The following PLAA variants were observed in gnomAD, a reference collection of about 807,000 sequenced individuals.
PLAA encodes the protein phospholipase A2 activating protein, also known as phospholipase A-2-activating protein.
Under a neutral mutation model 84.1 loss-of-function variants are expected in PLAA, and 48 were observed. That is an observed-to-expected ratio of 0.57 (90% CI 0.45 to 0.73). The LOEUF (loss-of-function observed/expected upper bound fraction) is 0.73. PLAA is among the 30% of genes least tolerant of loss of function. The pLI, the probability that PLAA is intolerant of heterozygous loss-of-function variation, is 0.00. For missense variants in PLAA, 903 were observed against 954.7 expected (o/e 0.95, Z 0.71); for synonymous variants, 392 against 336.6 (o/e 1.16, Z -1.80).
At chr9:26,912,774 T>C (rs570895321) in intron 11 of PLAA, among the ~76,000 whole-genome samples, 1 of 152,228 alleles carries the variant, frequency 6.6e-6, no homozygotes, top group Non-Finnish European at 1.5e-5. Context: ...ACACATCAAA[T>C]AAATTGTTCA....
intron 1 of PLAA, among the ~76,000 whole-genome samples, chr9:26,939,966 A>G (rs1825479886): frequency 6.6e-6 from 1 of 152,182 alleles, no homozygotes; most frequent in Admixed American, 6.5e-5. Flanking sequence ...CAATCTCAAT[A>G]ATGGATAGAA....
Position 26,904,948 on chromosome 9 carries a change from A to T in PLAA, c.*563T>A, listed in dbSNP as rs938456956. The T allele has an allele frequency of 8.5e-5, 13 of 152,124 alleles. No individual in the cohort carries two copies. The highest frequency in any genetic ancestry group is 1.5e-4 in the Non-Finnish European group (10 of 67,984). The allele number at this position is 152,124 out of a possible 1,614,324, so 9.4% of individuals were successfully genotyped here. On this transcript the variant is annotated 3_prime_UTR_variant, in exon 14 of 14. Coordinates refer to ENST00000397292, the MANE Select transcript of PLAA (RefSeq NM_001031689.3). ...CTTTTTCTTCATCTAAAAATAGGCC[A>T]TTAAACAAATATACTTTAGGATTTA... is the stretch of plus-strand genomic sequence containing the variant.
chr9:26,927,486 T>A (rs1474790844), intron 4 of PLAA, among the ~76,000 whole-genome samples: 2 of 152,128 alleles, frequency 1.3e-5, no homozygotes, highest in African/African-American at 4.8e-5. Flanking sequence ...TACCAACTTT[T>A]AAGGAAAAAA....
rs1201391252 is a variant in PLAA, at chr9:26,910,454, G to A, written c.1556-15C>T. On this transcript the variant is annotated splice_polypyrimidine_tract_variant and intron_variant, in intron 11 of 13. Coordinates refer to ENST00000397292, the MANE Select transcript of PLAA (RefSeq NM_001031689.3). The stretch of plus-strand genomic sequence containing the variant: ...GGCACTATTCCCTATTTAAAGAATA[G>A]AAGATGATGATAATCACAAGGAGTG... The A allele has an allele frequency of 1.4e-5, 22 of 1,568,516 alleles. No homozygotes were observed. The highest frequency in any genetic ancestry group is 1.8e-5 in the Non-Finnish European group (20 of 1,139,614).
intron 6 of PLAA, among the ~76,000 whole-genome samples, chr9:26,925,568 A>G (rs958692833): frequency 6.6e-6 from 1 of 152,226 alleles, no homozygotes; most frequent in South Asian, 2.1e-4. Flanking sequence ...TTTGTAGTCA[A>G]TATCTTGACT....
chr9:26,925,569 T>C (rs1292976133), intron 6 of PLAA, among the ~76,000 whole-genome samples: 1 of 152,272 alleles, frequency 6.6e-6, no homozygotes, highest in Non-Finnish European at 1.5e-5. Context: ...TTGTAGTCAA[T>C]ATCTTGACTG....
rs913615014 is a variant in PLAA, at chr9:26,931,432, G to A, written c.344-3024C>T. 2.0e-5 allele frequency among the ~76,000 whole-genome samples: 3 copies of A among 152,216 alleles called. No homozygotes were observed. The South Asian group carries it at 6.2e-4, about 31-fold the overall frequency. On this transcript the variant is annotated intron_variant, in intron 2 of 13. Coordinates refer to ENST00000397292, the MANE Select transcript of PLAA (RefSeq NM_001031689.3). ...AAAAATTACCATTATGTGAAAGGCT[G>A]ATGGGAACTTTATAATGAAAGAAAG...
intron 2 of PLAA, among the ~76,000 whole-genome samples, chr9:26,933,552 G>T (rs984679300): frequency 2.0e-5 from 3 of 151,940 alleles, no homozygotes; most frequent in Non-Finnish European, 4.4e-5. Context: ...AATATGGAAG[G>T]CCGAGGGGGG....
rs199939902 is a variant in PLAA, at chr9:26,933,788, C to CAAAA, written c.343+1221_343+1224dup. 8.8e-3 allele frequency among the ~76,000 whole-genome samples: 784 copies of CAAAA among 89,186 alleles called. 10 individuals carry two copies. The highest frequency in any genetic ancestry group is 0.015 in the Non-Finnish European group (656 of 42,368). The allele number at this position is 89,186 out of a possible 152,430, so 58.5% of individuals were successfully genotyped here. Reference sequence around the variant, plus strand: ...TGGGCGACAGAGCGAGACTCTGCCTCAAAAAAAAAAAAAAAAAAAAAAAAA... The same window carrying CAAAA: ...TGGGCGACAGAGCGAGACTCTGCCTCAAAAAAAAAAAAAAAAAAAAAAAAAAAAA... On this transcript the variant is annotated intron_variant, in intron 2 of 13. Coordinates refer to ENST00000397292, the MANE Select transcript of PLAA (RefSeq NM_001031689.3).
At chr9:26,936,450 G>A (rs922102959) in intron 1 of PLAA, among the ~76,000 whole-genome samples, 1 of 152,210 alleles carries the variant, frequency 6.6e-6, no homozygotes, top group African/African-American at 2.4e-5. Context: ...CCTAGACAAC[G>A]ATGGCACTGG....
intron 2 of PLAA, among the ~76,000 whole-genome samples, chr9:26,931,291 A>C (rs1349289191): frequency 6.6e-6 from 1 of 152,228 alleles, no homozygotes; most frequent in East Asian, 1.9e-4. Flanking sequence ...ATGTGGAAAG[A>C]TCTATACAGA....
chr9:26,938,526 T>C lies in PLAA; in HGVS notation c.150-3320A>G, dbSNP rs117931687. On this transcript the variant is annotated intron_variant, in intron 1 of 13. Coordinates refer to ENST00000397292, the MANE Select transcript of PLAA (RefSeq NM_001031689.3). ...ATGACTGTACCACTGTATGCCCGCC[T>C]GGGCCAAAAGAGTAAGACACCATTT... Among the ~76,000 whole-genome samples the C allele has an allele frequency of 6.5e-4, 91 of 140,882 alleles. 2 individuals are homozygous for C. In the East Asian group the frequency reaches 0.017, roughly 26 times the overall value. The allele number at this position is 140,882 out of a possible 152,430, so 92.4% of individuals were successfully genotyped here.
intron 11 of PLAA, among the ~76,000 whole-genome samples, chr9:26,912,501 G>A (rs756301441): frequency 3.3e-5 from 5 of 152,102 alleles, no homozygotes; most frequent in Non-Finnish European, 7.4e-5. Flanking sequence ...GACCAATTTG[G>A]AAGTTATTTC....
intron 11 of PLAA, among the ~76,000 whole-genome samples, chr9:26,912,353 G>A (rs1824426061): frequency 6.6e-6 from 1 of 152,186 alleles, no homozygotes; most frequent in Admixed American, 6.5e-5. Context: ...CTGGACAGAA[G>A]AAAGGCAATG....
At chr9:26,944,036 G>T (rs554529869) in intron 1 of PLAA, among the ~76,000 whole-genome samples, 30 of 152,310 alleles carry the variant, frequency 2.0e-4, no homozygotes, top group African/African-American at 7.0e-4. Flanking sequence ...AACCTTCAAT[G>T]CAACCATGTT....
At chr9:26,928,490 T>C in intron 2 of PLAA, 82 bp from the exon 3 acceptor site, 1 of 958,416 alleles carries the variant, frequency 1.0e-6, no homozygotes, top group Non-Finnish European at 1.7e-6. Context: ...ATTCCAATTT[T>C]AAAAACACTC....
intron 7 of PLAA, among the ~76,000 whole-genome samples, chr9:26,921,634 T>C (rs193179695): frequency 6.6e-6 from 1 of 152,346 alleles, no homozygotes; most frequent in East Asian, 1.9e-4. Context: ...CAGTGTACAA[T>C]CTGAAACCAC....
In PLAA at chr9:26,920,326, C is replaced by T. The variant is rs751081163; in HGVS notation, c.1098G>A (p.Gln366=). The T allele has an allele frequency of 3.7e-6, 6 of 1,613,426 alleles. No individual in the cohort carries two copies. In the African/African-American group the frequency reaches 4.0e-5, roughly 11 times the overall value. ...IRDGEKVEAY[Q]WSVSEGRWIK... is the part of the protein sequence containing the mutation. ...TCCACCTCCCTTCACTAACACTCCA[C>T]TGATAGGCTTCGACTTTCTCCCCAT... Residue 366 remains glutamine (Q), a synonymous_variant, in exon 8 of 14, where the codon CAG becomes CAA. Transcript: ENST00000397292.
intron 1 of PLAA, among the ~76,000 whole-genome samples, chr9:26,944,694 T>C (rs1825634478): frequency 6.6e-6 from 1 of 152,218 alleles, no homozygotes; most frequent in South Asian, 2.1e-4. Flanking sequence ...ATGGACAAGC[T>C]TGCTAACCTA....
Sources: gnomAD v4.1 joint callset for allele counts (sites outside exome capture counted in the v4.1 genomes callset) on GRCh38, gnomAD v4.1.1 for gene constraint, MANE v1.5 for transcripts, NCBI Gene and HGNC (gene_info 2026-07-23, HGNC 2026-07-21) for gene names.